The following RHPN2 variants were observed in gnomAD, a reference collection of about 807,000 sequenced individuals.
The protein encoded by RHPN2 is rhophilin-2.
In RHPN2, 40 loss-of-function variants were observed where a neutral mutation model predicts 79.0. That is an observed-to-expected ratio of 0.51 (90% CI 0.39 to 0.66). The LOEUF (loss-of-function observed/expected upper bound fraction) is 0.66, where lower values mean the gene tolerates loss of function less well. RHPN2 is among the 30% of genes least tolerant of loss of function. The pLI is 0.00. For synonymous variants in RHPN2, 285 were observed against 363.5 expected (o/e 0.78, Z 2.46); for missense variants, 686 against 883.5 (o/e 0.78, Z 2.83).
intron 14 of RHPN2, 107 bp from the exon 15 acceptor site, chr19:32,980,363 T>TG: frequency 7.5e-7 from 1 of 1,325,768 alleles, no homozygotes; most frequent in Non-Finnish European, 1.1e-6. Context: ...ATCCCAACAG[T>TG]TTGGGAGGCC....
At chr19:33,011,387 G>GCC (rs1216737538) in intron 6 of RHPN2, among the ~76,000 whole-genome samples, 5 of 152,136 alleles carry the variant, frequency 3.3e-5, no homozygotes, top group African/African-American at 1.2e-4. Flanking sequence ...CCACTTCAGA[G>GCC]CCCCCGTGCT....
intron 7 of RHPN2, among the ~76,000 whole-genome samples, chr19:33,006,611 T>C (rs1311228194): frequency 6.6e-6 from 1 of 152,158 alleles, no homozygotes; most frequent in Non-Finnish European, 1.5e-5. Context: ...CACACTGTGG[T>C]CTACACTGTG....
chr19:33,047,505 T>A (rs182378236), intron 1 of RHPN2, among the ~76,000 whole-genome samples: 79 of 152,240 alleles, frequency 5.2e-4, no homozygotes, highest in Non-Finnish European at 9.7e-4. Context: ...ACATTCCTCT[T>A]TGCCGCTTAT....
chr19:33,044,423 G>A (rs1599832448), intron 1 of RHPN2, 59 bp from the exon 2 acceptor site: 1 of 1,053,990 alleles, frequency 9.5e-7, no homozygotes, highest in Admixed American at 1.7e-5. Flanking sequence ...TGATGACAGG[G>A]TTTAATATAA....
Position 33,064,443 on chromosome 19 carries a change from T to C in RHPN2, c.69+341A>G, listed in dbSNP as rs560322783. On this transcript the variant is annotated intron_variant, in intron 1 of 14. Coordinates refer to ENST00000254260, the MANE Select transcript of RHPN2 (RefSeq NM_033103.5). ...CGCCAGCGCAGCCAGGAACGGGTCC[T>C]TTCCCCAGGCACCAGGGATCGCAAG... 2.8e-4 allele frequency among the ~76,000 whole-genome samples: 42 copies of C among 152,082 alleles called. 3 individuals carry two copies. The South Asian group carries it at 8.7e-3, about 32-fold the overall frequency.
chr19:33,011,840 G>A (rs1971838046), intron 5 of RHPN2, 37 bp from the exon 6 acceptor site: 2 of 1,613,660 alleles, frequency 1.2e-6, no homozygotes, highest in African/African-American at 2.7e-5. Context: ...ATGAGCAGAG[G>A]AGGACACAGC....
chr19:33,058,923 C>T (rs1972256420), intron 1 of RHPN2, among the ~76,000 whole-genome samples: 1 of 152,066 alleles, frequency 6.6e-6, no homozygotes, highest in South Asian at 2.1e-4. Flanking sequence ...ATGGTGAAAC[C>T]CTGTCTCTAC....
At chr19:33,017,328 C>A (rs1188460864) in intron 4 of RHPN2, among the ~76,000 whole-genome samples, 1 of 151,714 alleles carries the variant, frequency 6.6e-6, no homozygotes, top group Non-Finnish European at 1.5e-5. Context: ...GAGCTGAGAT[C>A]GTGCCATTGG....
intron 10 of RHPN2, among the ~76,000 whole-genome samples, chr19:32,996,731 A>G (rs1971705048): frequency 6.6e-6 from 1 of 151,970 alleles, no homozygotes; most frequent in Non-Finnish European, 1.5e-5. Flanking sequence ...AGACCATAGT[A>G]TAAAAGAAAA....
chr19:32,998,579 C>T (rs184320689), intron 10 of RHPN2, among the ~76,000 whole-genome samples: 3 of 151,740 alleles, frequency 2.0e-5, no homozygotes, highest in African/African-American at 7.3e-5. Context: ...GCCAGGAGTT[C>T]GAGGCTGCAC....
intron 11 of RHPN2, among the ~76,000 whole-genome samples, chr19:32,994,734 G>C (rs1293428399): frequency 1.3e-5 from 2 of 152,040 alleles, no homozygotes; most frequent in Non-Finnish European, 2.9e-5. Flanking sequence ...GGCCACGGTG[G>C]GAGGATCATC....
At chr19:33,043,465 T>C (rs1972117090) in intron 2 of RHPN2, among the ~76,000 whole-genome samples, 1 of 151,810 alleles carries the variant, frequency 6.6e-6, no homozygotes, top group South Asian at 2.1e-4. Context: ...GGCAGGAGAA[T>C]CACTTGAACC....
intron 2 of RHPN2, among the ~76,000 whole-genome samples, chr19:33,035,752 A>G (rs1305880258): frequency 1.2e-4 from 18 of 152,212 alleles, no homozygotes; most frequent in Non-Finnish European, 1.8e-4. Context: ...TCTAAAACAG[A>G]CCCAGACCTG....
intron 1 of RHPN2, among the ~76,000 whole-genome samples, chr19:33,049,733 C>T (rs567197116): frequency 1.3e-5 from 2 of 152,124 alleles, no homozygotes; most frequent in Non-Finnish European, 2.9e-5. Flanking sequence ...GGGGTCGGCC[C>T]GCTTATGTGG....
chr19:33,011,593 C>G (rs1971835583), intron 6 of RHPN2, 86 bp downstream of exon 6: 1 of 1,575,496 alleles, frequency 6.3e-7, no homozygotes, highest in African/African-American at 1.3e-5. Flanking sequence ...ACAGGGGCAC[C>G]CGCAGAGGGG....
chr19:33,056,895 G>A (rs1384838275), intron 1 of RHPN2, among the ~76,000 whole-genome samples: 1 of 149,186 alleles, frequency 6.7e-6, no homozygotes, highest in Non-Finnish European at 1.5e-5. Context: ...AGATCACAAG[G>A]TCATGAGATT....
At chr19:32,988,040 G>C (rs1350570569) in intron 14 of RHPN2, among the ~76,000 whole-genome samples, 1 of 151,836 alleles carries the variant, frequency 6.6e-6, no homozygotes, top group African/African-American at 2.4e-5. Context: ...ACCATAGATA[G>C]ATAAACAAAT....
At chr19:33,044,460 T>C (rs1478501235) in intron 1 of RHPN2, 96 bp from the exon 2 acceptor site, 14 of 853,726 alleles carry the variant, frequency 1.6e-5, no homozygotes, top group East Asian at 2.6e-5. Flanking sequence ...TTAAAAATAA[T>C]CTTTTCTGAA....
chr19:33,054,075 C>G (rs1455912410), intron 1 of RHPN2, among the ~76,000 whole-genome samples: 1 of 151,670 alleles, frequency 6.6e-6, no homozygotes, highest in East Asian at 1.9e-4. Flanking sequence ...GCAGCCCAGG[C>G]TGGTCTTGAA....
Sources: allele counts gnomAD v4.1 joint callset (sites outside exome capture counted in the v4.1 genomes callset), GRCh38; gene constraint gnomAD v4.1.1; transcripts MANE v1.5; gene names NCBI Gene and HGNC (gene_info 2026-07-23, HGNC 2026-07-21).